Variants in SSX2IP observed in about 807,000 individuals in gnomAD.
SSX2IP encodes the protein afadin- and alpha-actinin-binding protein.
Under a neutral mutation model 84.9 loss-of-function variants are expected in SSX2IP, and 55 were observed. The observed-to-expected ratio is 0.65, with a 90% CI of 0.52 to 0.81. The LOEUF (loss-of-function observed/expected upper bound fraction) is 0.81, where lower values mean the gene tolerates loss of function less well. Among genes scored for constraint, SSX2IP ranks in the 30% least tolerant of loss-of-function variants. The pLI is 0.00. For missense variants in SSX2IP, 664 were observed against 705.2 expected (o/e 0.94, Z 0.66); for synonymous variants, 239 against 234.7 (o/e 1.02, Z -0.17).
chr1:84,653,412 A>C (rs1325889780), intron 11 of SSX2IP, among the ~76,000 whole-genome samples: 1 of 152,124 alleles, frequency 6.6e-6, no homozygotes, highest in South Asian at 2.1e-4. Context: ...GATGAATCCT[A>C]AACTAAATTC....
chr1:84,659,614 A>G (rs183234315), intron 8 of SSX2IP, among the ~76,000 whole-genome samples: 12 of 152,098 alleles, frequency 7.9e-5, no homozygotes, highest in East Asian at 1.9e-4. Flanking sequence ...CCTGTCCAAC[A>G]TGGTGAAACC....
At chr1:84,674,492 G>A (rs962670187) in intron 1 of SSX2IP, among the ~76,000 whole-genome samples, 5 of 152,120 alleles carry the variant, frequency 3.3e-5, no homozygotes, top group African/African-American at 1.2e-4. Context: ...AAGGTCAGAA[G>A]AAAACAGTAA....
intron 9 of SSX2IP, among the ~76,000 whole-genome samples, chr1:84,657,852 G>C (rs1345189855): frequency 6.6e-6 from 1 of 152,138 alleles, no homozygotes; most frequent in African/African-American, 2.4e-5. Context: ...TAAAATGTCG[G>C]CTGTGCACAG....
rs1392268929 is a variant in SSX2IP, at chr1:84,651,933, A to C, written c.1454T>G (p.Phe485Cys). 7.4e-6 allele frequency: 12 copies of C among 1,613,994 alleles called. No homozygotes were observed. Among genetic ancestry groups the C allele is most frequent in the Non-Finnish European group, 1.0e-5 (12 of 1,179,920 alleles). Reference sequence around the variant, plus strand: ...CACATTTTCTGAGTTCTGGTGGTCAAAGGTAGTCATATTTAGAAACTGCTG... The same window carrying C: ...CACATTTTCTGAGTTCTGGTGGTCACAGGTAGTCATATTTAGAAACTGCTG... Reference protein sequence around the residue: ...LKQQFLNMTTFDHQNSENVKL... With the variant: ...LKQQFLNMTTCDHQNSENVKL... Residue 485 changes from phenylalanine (F) to cysteine (C), a missense_variant, in exon 12 of 14, where the codon TTT becomes TGT. Phe to Cys is a radical substitution (Grantham distance 205, BLOSUM62 -2). Transcript: ENST00000342203.
chr1:84,683,812 G>C (rs1391546205), intron 1 of SSX2IP, among the ~76,000 whole-genome samples: 2 of 152,200 alleles, frequency 1.3e-5, no homozygotes, highest in Non-Finnish European at 2.9e-5. Flanking sequence ...AAGGAGAAAG[G>C]TGATTCAGGG....
intron 8 of SSX2IP, among the ~76,000 whole-genome samples, chr1:84,660,317 A>G (rs1162516985): frequency 6.6e-6 from 1 of 152,204 alleles, no homozygotes; most frequent in Non-Finnish European, 1.5e-5. Context: ...GGAGGGTTTA[A>G]TCACTGAAGA....
chr1:84,686,949 A>C (rs1254257338), intron 1 of SSX2IP, among the ~76,000 whole-genome samples: 1 of 152,164 alleles, frequency 6.6e-6, no homozygotes, highest in Non-Finnish European at 1.5e-5. Context: ...CTGAATGTAG[A>C]GGCTTTATTA....
At chr1:84,654,366 A>G (rs1413245556) in intron 11 of SSX2IP, among the ~76,000 whole-genome samples, 4 of 152,198 alleles carry the variant, frequency 2.6e-5, no homozygotes, top group African/African-American at 9.7e-5. Flanking sequence ...GAGAAATGGA[A>G]TAATTCAAAG....
rs911328450 is a variant in SSX2IP, at chr1:84,647,353, T to C, written c.*80A>G. ...ACCATCTTAAGTTATTAGAGATAACTGACTTTATGACACACCCTGTTTCAA... is the reference window on the plus strand; with the variant it reads ...ACCATCTTAAGTTATTAGAGATAACCGACTTTATGACACACCCTGTTTCAA... On this transcript the variant is annotated 3_prime_UTR_variant, in exon 14 of 14. Transcript: ENST00000342203. The C allele has an allele frequency of 2.3e-6, 3 of 1,278,758 alleles. No homozygotes were observed. The highest frequency in any genetic ancestry group is 3.2e-6 in the Non-Finnish European group (3 of 946,560). The allele number at this position is 1,278,758 out of a possible 1,614,324, so 79.2% of individuals were successfully genotyped here.
rs138326680 is a variant in SSX2IP, at chr1:84,646,942, C to A, written c.*491G>T. 1 of 152,444 alleles carries A rather than the reference C, an allele frequency of 6.6e-6. No individual in the cohort carries two copies. The highest frequency in any genetic ancestry group is 6.6e-5 in the Admixed American group (1 of 15,262). The allele number at this position is 152,444 out of a possible 1,614,324, so 9.4% of individuals were successfully genotyped here. On this transcript the variant is annotated 3_prime_UTR_variant, in exon 14 of 14. Transcript: ENST00000342203. ...TAACATAATCATGTGTATCTATGTA[C>A]AAAACATACATAAATTTCACTTTAT...
Position 84,690,460 on chromosome 1 carries a change from C to T in SSX2IP, c.-179G>A, listed in dbSNP as rs1656475532. 1.3e-5 allele frequency: 2 copies of T among 151,934 alleles called. No individual in the cohort carries two copies. The highest frequency in any genetic ancestry group is 1.5e-5 in the Non-Finnish European group (1 of 68,100). The allele number at this position is 151,934 out of a possible 1,614,324, so 9.4% of individuals were successfully genotyped here. A position where few individuals can be genotyped will look rare whatever the true frequency, so the allele number is the denominator to read the frequency against. On this transcript the variant is annotated 5_prime_UTR_variant, in exon 1 of 14. Transcript: ENST00000342203. ...GAGGGCCAGCAGCGCCTCGCAGCGC[C>T]TCCCGCCCGCGGCCCCTCCTCCGCT... is the stretch of plus-strand genomic sequence containing the variant.
intron 4 of SSX2IP, 109 bp downstream of exon 4, chr1:84,669,572 G>A: frequency 1.1e-6 from 1 of 910,128 alleles, no homozygotes. Context: ...TGTTTAAAAA[G>A]AAAACCCTAA....
At chr1:84,666,331 T>C in intron 4 of SSX2IP, 99 bp from the exon 5 acceptor site, 1 of 833,058 alleles carries the variant, frequency 1.2e-6, no homozygotes, top group Non-Finnish European at 1.9e-6. Flanking sequence ...ATCCTAGTGT[T>C]TATTAGTCAA....
At chr1:84,677,667 T>C (rs541152604) in intron 1 of SSX2IP, among the ~76,000 whole-genome samples, 35 of 152,350 alleles carry the variant, frequency 2.3e-4, no homozygotes, top group Admixed American at 1.2e-3. Context: ...GTTGTTTTTT[T>C]ACTTGTTGCC....
At chr1:84,689,277 C>T (rs1372133827) in intron 1 of SSX2IP, among the ~76,000 whole-genome samples, 1 of 152,198 alleles carries the variant, frequency 6.6e-6, no homozygotes, top group Non-Finnish European at 1.5e-5. Context: ...CTCATACCAA[C>T]CTTTCTAGTT....
chr1:84,685,235 G>T (rs1391837027), intron 1 of SSX2IP, among the ~76,000 whole-genome samples: 1 of 152,352 alleles, frequency 6.6e-6, no homozygotes, highest in East Asian at 1.9e-4. Flanking sequence ...CAACTCAGGG[G>T]TTAAAATGTT....
Position 84,671,317 on chromosome 1 carries a change from G to A in SSX2IP, c.-89-9C>T. 6.5e-7 allele frequency: 1 copy of A among 1,536,862 alleles called. No homozygotes were observed. The highest frequency in any genetic ancestry group is 1.3e-5 in the South Asian group (1 of 78,660). On this transcript the variant is annotated splice_polypyrimidine_tract_variant and intron_variant, in intron 1 of 13. Coordinates refer to ENST00000342203, the MANE Select transcript of SSX2IP (RefSeq NM_001166293.2). ...TTCTATGTAGGCATCTCCTTAAAAA[G>A]CAGATTATAGAATAATAGCATCTAA...
At chr1:84,649,823 C>A in intron 13 of SSX2IP, 1 of 404,934 alleles carries the variant, frequency 2.5e-6, no homozygotes, top group Non-Finnish European at 4.8e-6. Context: ...AGGAAAACAC[C>A]AAAATGTAGC....
chr1:84,684,919 A>G (rs970827975), intron 1 of SSX2IP, among the ~76,000 whole-genome samples: 1 of 152,134 alleles, frequency 6.6e-6, no homozygotes, highest in South Asian at 2.1e-4. Context: ...CGAGAGAATG[A>G]TGAATATAGG....
Sources: gnomAD v4.1 joint callset for allele counts (sites outside exome capture counted in the v4.1 genomes callset) on GRCh38, gnomAD v4.1.1 for gene constraint, MANE v1.5 for transcripts, NCBI Gene and HGNC (gene_info 2026-07-23, HGNC 2026-07-21) for gene names.